Variants in SLC9B2 observed in about 807,000 individuals in gnomAD.
SLC9B2 encodes the protein solute carrier family 9 member B2.
A neutral mutation model predicts 52.2 loss-of-function variants in SLC9B2; 39 were observed. That is an observed-to-expected ratio of 0.75 (90% CI 0.58 to 0.98). SLC9B2 has a LOEUF of 0.98. Among genes scored for constraint, SLC9B2 ranks in the 50% least tolerant of loss-of-function variants. The pLI, the probability that SLC9B2 is intolerant of heterozygous loss-of-function variation, is 0.00. For synonymous variants in SLC9B2, 214 were observed against 227.0 expected (o/e 0.94, Z 0.51); for missense variants, 626 against 637.5 (o/e 0.98, Z 0.19).
intron 1 of SLC9B2, among the ~76,000 whole-genome samples, chr4:103,070,683 C>G (rs1310857890): frequency 6.6e-6 from 1 of 152,182 alleles, no homozygotes; most frequent in East Asian, 1.9e-4. Context: ...CTCAGTGATC[C>G]ACCCGCCTAG....
At chr4:103,062,652 C>T (rs1356220200) in intron 3 of SLC9B2, among the ~76,000 whole-genome samples, 1 of 152,156 alleles carries the variant, frequency 6.6e-6, no homozygotes, top group East Asian at 1.9e-4. Context: ...GACAGTTTCA[C>T]TCTTGTCACC....
intron 3 of SLC9B2, among the ~76,000 whole-genome samples, chr4:103,062,849 A>T (rs1485339899): frequency 6.6e-6 from 1 of 152,192 alleles, no homozygotes; most frequent in Non-Finnish European, 1.5e-5. Context: ...TGACCTCGTC[A>T]TCCACCTGCC....
intron 3 of SLC9B2, among the ~76,000 whole-genome samples, chr4:103,064,556 G>A (rs1160295264): frequency 6.6e-6 from 1 of 152,120 alleles, no homozygotes; most frequent in East Asian, 1.9e-4. Context: ...TAATTAGATA[G>A]GAAGAGTAGT....
In SLC9B2 at chr4:103,056,979, TAA is replaced by T. The variant is rs1310694345; in HGVS notation, c.442+820_442+821del. Among the ~76,000 whole-genome samples, 4 of 152,190 alleles carry T rather than the reference TAA, an allele frequency of 2.6e-5. No individual in the cohort carries two copies. The South Asian group carries it at 8.3e-4, about 31-fold the overall frequency. On this transcript the variant is annotated intron_variant, in intron 4 of 11. Transcript: ENST00000394785. Reference sequence around the variant, plus strand: ...TCAGAACTTCACTCTGTCAATGTCATAAGTGACTTATACTATGACAAACTTTG... The same window carrying T: ...TCAGAACTTCACTCTGTCAATGTCATGTGACTTATACTATGACAAACTTTG...
chr4:103,050,492 T>C (rs943394150), intron 4 of SLC9B2, 110 bp from the exon 5 acceptor site: 7 of 998,342 alleles, frequency 7.0e-6, no homozygotes, highest in Non-Finnish European at 7.9e-6. Flanking sequence ...ACTTCACTTA[T>C]GCTTAGAAGA....
intron 9 of SLC9B2, chr4:103,042,163 T>C (rs767941931): frequency 3.9e-5 from 6 of 152,152 alleles, no homozygotes; most frequent in Non-Finnish European, 8.8e-5. Flanking sequence ...CCCACAGAGA[T>C]CCACTTAATT....
chr4:103,020,243 A>G (rs1282875294), downstream of SLC9B2: 1 of 400,122 alleles, frequency 2.5e-6, no homozygotes, highest in Non-Finnish European at 4.7e-6. Flanking sequence ...TCAGTATAAA[A>G]CCTTTGTGAG....
intron 1 of SLC9B2, among the ~76,000 whole-genome samples, chr4:103,070,375 T>C (rs1382648127): frequency 6.6e-6 from 1 of 152,232 alleles, no homozygotes; most frequent in African/African-American, 2.4e-5. Flanking sequence ...AGAAAGTTTA[T>C]TCTCCTTACT....
intron 11 of SLC9B2, 116 bp from the exon 12 acceptor site, chr4:103,026,707 T>C: frequency 2.2e-6 from 2 of 924,570 alleles, no homozygotes; most frequent in South Asian, 1.8e-5. Flanking sequence ...ACTAAGAAAG[T>C]TGTAAGCATC....
chr4:103,063,307 T>C (rs1455830512), intron 3 of SLC9B2, among the ~76,000 whole-genome samples: 2 of 152,226 alleles, frequency 1.3e-5, no homozygotes, highest in Non-Finnish European at 2.9e-5. Context: ...TGAGATTTTC[T>C]TCCATGCTTA....
intron 9 of SLC9B2, among the ~76,000 whole-genome samples, chr4:103,033,950 A>G (rs973459081): frequency 2.6e-5 from 4 of 152,316 alleles, no homozygotes; most frequent in African/African-American, 9.6e-5. Context: ...GAATTAGAAA[A>G]AACATTATAA....
chr4:103,075,665 A>C (rs115627078), intron 1 of SLC9B2, among the ~76,000 whole-genome samples: 4,053 of 152,248 alleles, frequency 0.027, 184 homozygotes, highest in African/African-American at 0.089. Context: ...ATCCTCATGC[A>C]ATCCTCTAGT....
At position 103,023,223 on chromosome 4, in the gene SLC9B2, C is replaced by T. The variant is rs1170003051; in HGVS notation, c.*3147G>A. On this transcript the variant is annotated 3_prime_UTR_variant, in exon 12 of 12. Coordinates refer to ENST00000394785, the MANE Select transcript of SLC9B2 (RefSeq NM_178833.7). ...ATTAAATGTCTACTGTGTTCCATGC[C>T]CTGTGAAAAATGCTGAGGATTCAAG... Among the ~76,000 whole-genome samples, 1 of 152,002 alleles carries T rather than the reference C, an allele frequency of 6.6e-6. No individual in the cohort carries two copies. The highest frequency in any genetic ancestry group is 1.9e-4 in the East Asian group (1 of 5,186).
At chr4:103,019,617 C>T (rs1272148149), downstream of SLC9B2, 1 of 985,364 alleles carries the variant, frequency 1.0e-6, no homozygotes, top group East Asian at 1.1e-4. Flanking sequence ...TCTTTCGCAG[C>T]CCTCGCTGGC....
Position 103,057,807 on chromosome 4 carries a change from G to C in SLC9B2, c.436C>G (p.Leu146Val), listed in dbSNP as rs970594931. Residue 146 changes from leucine to valine, a missense_variant, in exon 4 of 12, where the codon CTT becomes GTT. By Grantham distance (32) the Leu-to-Val change is conservative (BLOSUM62 1). Coordinates refer to ENST00000394785, the MANE Select transcript of SLC9B2 (RefSeq NM_178833.7). ...GGAAACATTTAGCACTTACCAAGAAGAGAAGGCAGTGGAGGCAATGTAGGT... is the reference window on the plus strand; with the variant it reads ...GGAAACATTTAGCACTTACCAAGAACAGAAGGCAGTGGAGGCAATGTAGGT... Reference protein sequence around the residue: ...KLPTLPPLPSLLGMLLAGFLI... With the variant: ...KLPTLPPLPSVLGMLLAGFLI... 3.1e-6 allele frequency: 5 copies of C among 1,613,258 alleles called. No individual in the cohort carries two copies. The highest frequency in any genetic ancestry group is 4.2e-6 in the Non-Finnish European group (5 of 1,179,842).
Position 103,025,620 on chromosome 4 carries a change from A to G in SLC9B2, c.*750T>C, listed in dbSNP as rs1742125329. ...TTTGAAACTTACCTATCTCCCACCT[A>G]GAAATGGGAAGAGCCTAAAGATATG... is the stretch of plus-strand genomic sequence containing the variant. On this transcript the variant is annotated 3_prime_UTR_variant, in exon 12 of 12. Coordinates refer to ENST00000394785, the MANE Select transcript of SLC9B2 (RefSeq NM_178833.7). 6.6e-6 allele frequency: 1 copy of G among 152,152 alleles called. No individual in the cohort carries two copies. The highest frequency in any genetic ancestry group is 1.5e-5 in the Non-Finnish European group (1 of 68,024). 9.4% of individuals were successfully genotyped at this position (152,152 alleles called of 1,614,324 possible).
chr4:103,028,972 G>T, intron 10 of SLC9B2, 89 bp from the exon 11 acceptor site: 4 of 1,125,570 alleles, frequency 3.6e-6, no homozygotes, highest in Middle Eastern at 3.1e-4. Flanking sequence ...ACCATCAACA[G>T]AAATAATTTT....
At chr4:103,070,960 G>GA (rs1199520795) in intron 1 of SLC9B2, among the ~76,000 whole-genome samples, 1 of 151,744 alleles carries the variant, frequency 6.6e-6, no homozygotes, top group Non-Finnish European at 1.5e-5. Flanking sequence ...AAAGAAAAAA[G>GA]AAAAAAGTTT....
intron 9 of SLC9B2, among the ~76,000 whole-genome samples, chr4:103,040,842 T>C (rs1743572952): frequency 6.6e-6 from 1 of 152,244 alleles, no homozygotes; most frequent in African/African-American, 2.4e-5. Context: ...GTCCCTAGAC[T>C]GGCAGCATCA....
Sources: gnomAD v4.1 joint callset for allele counts (sites outside exome capture counted in the v4.1 genomes callset) on GRCh38, gnomAD v4.1.1 for gene constraint, MANE v1.5 for transcripts, NCBI Gene and HGNC (gene_info 2026-07-23, HGNC 2026-07-21) for gene names.